The following ZNF516 variants were observed in gnomAD, a reference collection of about 807,000 sequenced individuals.
ZNF516 encodes the protein zinc finger protein 516.
Under a neutral mutation model 79.7 loss-of-function variants are expected in ZNF516, and 19 were observed. The ratio of observed to expected loss-of-function variants is 0.24; its 90% CI spans 0.17 to 0.35. ZNF516 has a LOEUF of 0.35. ZNF516 is among the 10% of genes least tolerant of loss of function. The probability of loss-of-function intolerance (pLI) is 1.00; values close to 1 mark genes in which losing one functional copy is unlikely to be tolerated. For missense variants in ZNF516, 1,678 were observed against 1,679.5 expected (o/e 1.00, Z 0.02); for synonymous variants, 877 against 739.5 (o/e 1.19, Z -3.02).
chr18:76,488,087 C>G (rs1033159003), intron 1 of ZNF516: 12 of 985,172 alleles, frequency 1.2e-5, no homozygotes, highest in Admixed American at 1.2e-4. Context: ...ACCTCCACAT[C>G]CCTCGGTGCC....
intron 1 of ZNF516, among the ~76,000 whole-genome samples, chr18:76,473,317 T>A (rs1445952189): frequency 8.6e-6 from 1 of 116,696 alleles, no homozygotes; most frequent in Non-Finnish European, 1.7e-5. Context: ...AAAGACTCCA[T>A]GATAGGGTTA....
At position 76,472,394 on chromosome 18, in the gene ZNF516, C is replaced by T. The variant is rs115081629; in HGVS notation, c.-271-9253G>A. Among the ~76,000 whole-genome samples the T allele has an allele frequency of 2.7e-3, 412 of 152,224 alleles. 1 individual carries two copies. Among genetic ancestry groups the T allele is most frequent in the African/African-American group, 9.4e-3 (391 of 41,526 alleles). On this transcript the variant is annotated intron_variant, in intron 1 of 6. Coordinates refer to ENST00000443185, the MANE Select transcript of ZNF516 (RefSeq NM_014643.4). The stretch of plus-strand genomic sequence containing the variant: ...TGTGCATTTGCATAGGCTCACTACA[C>T]GGGCACACTTGCAAACGTGCACCTA...
intron 3 of ZNF516, among the ~76,000 whole-genome samples, chr18:76,427,336 A>C (rs1422163181): frequency 6.6e-6 from 1 of 152,238 alleles, no homozygotes; most frequent in Non-Finnish European, 1.5e-5. Flanking sequence ...AATACAGATA[A>C]AGCACACAAA....
At chr18:76,377,717 T>TA (rs1300294190) in intron 4 of ZNF516, among the ~76,000 whole-genome samples, 1 of 145,632 alleles carries the variant, frequency 6.9e-6, no homozygotes, top group African/African-American at 2.5e-5. Flanking sequence ...ACAACGTTAT[T>TA]TTTTTTTTTT....
chr18:76,392,151 GC>G (rs1379135630), intron 3 of ZNF516, among the ~76,000 whole-genome samples: 2 of 152,204 alleles, frequency 1.3e-5, no homozygotes, highest in African/African-American at 4.8e-5. Flanking sequence ...CAAGGGACAG[GC>G]CTTACATCCA....
chr18:76,363,841 A>G (rs1426830890), intron 6 of ZNF516, among the ~76,000 whole-genome samples: 1 of 152,188 alleles, frequency 6.6e-6, no homozygotes, highest in Non-Finnish European at 1.5e-5. Context: ...ATAGTTAGCT[A>G]TTGGGTGTTT....
intron 3 of ZNF516, among the ~76,000 whole-genome samples, chr18:76,412,971 C>T (rs59474762): frequency 2.2e-4 from 34 of 152,374 alleles, no homozygotes; most frequent in East Asian, 1.2e-3. Context: ...CACGCCACCG[C>T]GGCCCACAGT....
chr18:76,485,382 C>A (rs1240727514), intron 1 of ZNF516, among the ~76,000 whole-genome samples: 1 of 152,206 alleles, frequency 6.6e-6, no homozygotes, highest in Non-Finnish European at 1.5e-5. Flanking sequence ...ATAAATGATG[C>A]ATCACCAAAG....
At chr18:76,364,667 C>T (rs1413641268) in intron 6 of ZNF516, among the ~76,000 whole-genome samples, 3 of 152,062 alleles carry the variant, frequency 2.0e-5, no homozygotes, top group African/African-American at 7.2e-5. Context: ...GGGTGTGGAT[C>T]GATGCCCCGC....
Position 76,437,095 on chromosome 18 carries a change from CACACAT to C in ZNF516, c.1810+4144_1810+4149del, listed in dbSNP as rs1371644787. Among the ~76,000 whole-genome samples the C allele has an allele frequency of 1.9e-3, 287 of 151,846 alleles. 3 individuals carry two copies. Among genetic ancestry groups the C allele is most frequent in the African/African-American group, 6.4e-3 (266 of 41,336 alleles). The stretch of plus-strand genomic sequence containing the variant: ...ACACACACACACACACACACACACA[CACACAT>C]ACCGTCTCTCACCCTCCCTAAGCTA... On this transcript the variant is annotated intron_variant, in intron 3 of 6. Coordinates refer to ENST00000443185, the MANE Select transcript of ZNF516 (RefSeq NM_014643.4).
At chr18:76,403,723 G>T (rs940693205) in intron 3 of ZNF516, among the ~76,000 whole-genome samples, 1 of 152,156 alleles carries the variant, frequency 6.6e-6, no homozygotes, top group Non-Finnish European at 1.5e-5. Context: ...AATAACCTGA[G>T]TGAGAAATCA....
chr18:76,389,743 T>G (rs1180657934), intron 3 of ZNF516, among the ~76,000 whole-genome samples: 1 of 152,206 alleles, frequency 6.6e-6, no homozygotes, highest in Non-Finnish European at 1.5e-5. Context: ...AAATGCTTTG[T>G]CATTTCTTAA....
At chr18:76,413,037 G>A (rs2075390476) in intron 3 of ZNF516, among the ~76,000 whole-genome samples, 1 of 152,220 alleles carries the variant, frequency 6.6e-6, no homozygotes, top group South Asian at 2.1e-4. Context: ...ACCTGCCAAG[G>A]TAATGCTGAA....
intron 2 of ZNF516, among the ~76,000 whole-genome samples, 187 bp downstream of exon 2, chr18:76,462,841 C>T (rs1913209926): frequency 6.6e-6 from 1 of 152,212 alleles, no homozygotes; most frequent in Non-Finnish European, 1.5e-5. Context: ...GAGGCGGCTT[C>T]CCAGTTATGT....
intron 4 of ZNF516, among the ~76,000 whole-genome samples, chr18:76,373,135 G>A (rs549746711): frequency 6.6e-6 from 1 of 152,134 alleles, no homozygotes; most frequent in East Asian, 1.9e-4. Context: ...AGGTGACAGA[G>A]TGAGATTCTG....
chr18:76,373,300 G>T (rs1479412583), intron 4 of ZNF516, among the ~76,000 whole-genome samples: 1 of 151,192 alleles, frequency 6.6e-6, no homozygotes, highest in Non-Finnish European at 1.5e-5. Context: ...AGGGAGGGAG[G>T]GAAAGAGAAG....
chr18:76,496,129 G>GA (rs1391529603), upstream of ZNF516: 1 of 507,784 alleles, frequency 2.0e-6, no homozygotes, highest in African/African-American at 2.0e-5. Flanking sequence ...ACAGGGCAGG[G>GA]ATGGCCGGGG....
chr18:76,450,194 G>GGGT (rs1912317413), intron 2 of ZNF516, among the ~76,000 whole-genome samples: 2 of 131,938 alleles, frequency 1.5e-5, no homozygotes, highest in African/African-American at 2.8e-5. Context: ...AGGGGGGGGG[G>GGGT]TGTTTATTTC....
At chr18:76,371,413 A>T (rs2074702398) in intron 5 of ZNF516, 54 bp downstream of exon 5, 11 of 1,520,796 alleles carry the variant, frequency 7.2e-6, no homozygotes, top group Non-Finnish European at 9.8e-6. Context: ...CACTGACAGA[A>T]GAGACCCCTC....
Sources: allele counts gnomAD v4.1 joint callset (sites outside exome capture counted in the v4.1 genomes callset), GRCh38; gene constraint gnomAD v4.1.1; transcripts MANE v1.5; gene names NCBI Gene and HGNC (gene_info 2026-07-23, HGNC 2026-07-21).